The following SRPK2 variants were observed in gnomAD, a reference collection of about 807,000 sequenced individuals.
SRPK2 encodes the protein SFRS protein kinase 2.
In SRPK2, 21 loss-of-function variants were observed where a neutral mutation model predicts 90.8. That is an observed-to-expected ratio of 0.23 (90% CI 0.16 to 0.33). SRPK2 has a LOEUF of 0.33. Ranked by LOEUF, SRPK2 falls within the 10% of genes least tolerant of loss-of-function variation. The pLI, the probability that SRPK2 is intolerant of heterozygous loss-of-function variation, is 1.00. For synonymous variants in SRPK2, 288 were observed against 311.1 expected, an observed-to-expected ratio of 0.93 and a Z score of 0.78; for missense variants, 620 against 869.0, an observed-to-expected ratio of 0.71 and a Z score of 3.60.
At chr7:105,397,519 G>A (rs1400438550) in intron 1 of SRPK2, among the ~76,000 whole-genome samples, 2 of 151,336 alleles carry the variant, frequency 1.3e-5, no homozygotes, top group East Asian at 1.9e-4. Context: ...TTTTAGAGAC[G>A]GGGTTTCACC....
intron 3 of SRPK2, among the ~76,000 whole-genome samples, chr7:105,190,389 C>G (rs1357041473): frequency 6.6e-6 from 1 of 152,214 alleles, no homozygotes; most frequent in Non-Finnish European, 1.5e-5. Context: ...GCTCTCCTAC[C>G]TCCTTGACTG....
In SRPK2 at chr7:105,200,693, T is replaced by A. The variant is rs535946463; in HGVS notation, c.229+2935A>T. 3.3e-5 allele frequency among the ~76,000 whole-genome samples: 5 copies of A among 152,314 alleles called. 1 individual carries two copies. Among genetic ancestry groups the A allele is most frequent in the African/African-American group, 1.2e-4 (5 of 41,568 alleles). The stretch of plus-strand genomic sequence containing the variant: ...AACCTGTGTACCATCTGAAAGGATT[T>A]AATGCAAAAAGACAACATCACTACT... On this transcript the variant is annotated intron_variant, in intron 3 of 15. Coordinates refer to ENST00000393651, the MANE Select transcript of SRPK2 (RefSeq NM_182692.3).
intron 2 of SRPK2, among the ~76,000 whole-genome samples, chr7:105,313,455 A>C (rs1811954526): frequency 1.4e-5 from 2 of 144,196 alleles, no homozygotes; most frequent in Non-Finnish European, 3.0e-5. Flanking sequence ...TCAAAAAAAA[A>C]AAAAAAAAAA....
chr7:105,349,413 T>C (rs1227927254), intron 2 of SRPK2, among the ~76,000 whole-genome samples: 1 of 148,550 alleles, frequency 6.7e-6, no homozygotes, highest in African/African-American at 2.5e-5. Flanking sequence ...TCCCAGCTAC[T>C]CAGGAGGCTG....
intron 2 of SRPK2, among the ~76,000 whole-genome samples, chr7:105,280,036 T>C (rs933935140): frequency 1.8e-4 from 27 of 152,186 alleles, no homozygotes; most frequent in African/African-American, 6.3e-4. Flanking sequence ...AAATAAGTAT[T>C]TTTATAATCT....
chr7:105,239,417 TAG>T (rs1251540698), intron 2 of SRPK2, among the ~76,000 whole-genome samples: 3 of 152,206 alleles, frequency 2.0e-5, no homozygotes, highest in Non-Finnish European at 4.4e-5. Context: ...AATAAAAATA[TAG>T]AGAGAACAAA....
intron 2 of SRPK2, among the ~76,000 whole-genome samples, chr7:105,380,672 T>C (rs551948564): frequency 2.6e-5 from 4 of 151,812 alleles, no homozygotes; most frequent in South Asian, 4.2e-4. Context: ...TATAGGCACA[T>C]GCCACCACGC....
chr7:105,258,353 G>A (rs1803653870), intron 2 of SRPK2, among the ~76,000 whole-genome samples: 1 of 146,810 alleles, frequency 6.8e-6, no homozygotes, highest in South Asian at 2.2e-4. Context: ...GGAGGCAGAG[G>A]TAATAGTGAG....
chr7:105,334,512 C>A (rs566600715), intron 2 of SRPK2, among the ~76,000 whole-genome samples: 1 of 152,048 alleles, frequency 6.6e-6, no homozygotes, highest in Non-Finnish European at 1.5e-5. Context: ...TGAGCCACTG[C>A]GCCTAGCCCT....
chr7:105,205,617 C>T lies in SRPK2; in HGVS notation c.72-1832G>A, dbSNP rs565434221. 2.7e-5 allele frequency among the ~76,000 whole-genome samples: 4 copies of T among 147,710 alleles called. No individual in the cohort carries two copies. In the East Asian group the frequency reaches 6.3e-4, roughly 23 times the overall value. On this transcript the variant is annotated intron_variant, in intron 2 of 15. Transcript: ENST00000393651. ...ACTTCCAACAGGCCTTACAGAAGTA[C>T]AAGAATCTTTCTGGAAGCCATGTAA...
chr7:105,390,041 C>G (rs1345789573), upstream of SRPK2, among the ~76,000 whole-genome samples: 2 of 152,100 alleles, frequency 1.3e-5, no homozygotes, highest in Admixed American at 6.6e-5. Flanking sequence ...CCATATTCAC[C>G]AATTTTTAAC....
At chr7:105,298,267 T>C (rs1463500199) in intron 2 of SRPK2, among the ~76,000 whole-genome samples, 4 of 152,180 alleles carry the variant, frequency 2.6e-5, no homozygotes, top group Admixed American at 2.6e-4. Context: ...TCACTTAACA[T>C]AATGCCTTTA....
At position 105,363,531 on chromosome 7, in the gene SRPK2, C is replaced by G. The variant is rs147982808; in HGVS notation, c.71+25117G>C. Among the ~76,000 whole-genome samples, 738 of 152,208 alleles carry G rather than the reference C, an allele frequency of 4.8e-3. 11 individuals are homozygous for G. The East Asian group carries it at 0.055, about 11-fold the overall frequency. On this transcript the variant is annotated intron_variant, in intron 2 of 15. Transcript: ENST00000393651. ...ATCATTAAAAAGTCAGGAAACAACA[C>G]GTGCTGGAGAGGATGTGGAGAAATA...
At chr7:105,275,773 C>T (rs554595813) in intron 2 of SRPK2, among the ~76,000 whole-genome samples, 2 of 152,214 alleles carry the variant, frequency 1.3e-5, no homozygotes, top group South Asian at 4.1e-4. Context: ...AAAACGGAGC[C>T]GCCCTGAATC....
intron 2 of SRPK2, among the ~76,000 whole-genome samples, chr7:105,360,231 T>C (rs1277403172): frequency 1.4e-5 from 2 of 141,688 alleles, no homozygotes; most frequent in African/African-American, 2.5e-5. Context: ...TCCATTTGTT[T>C]GGTACATCTT....
At chr7:105,340,976 CCAGT>C (rs1332183081) in intron 2 of SRPK2, among the ~76,000 whole-genome samples, 1 of 152,040 alleles carries the variant, frequency 6.6e-6, no homozygotes, top group African/African-American at 2.4e-5. Context: ...CCTCAGTCAG[CCAGT>C]ATTTTCCAAG....
At chr7:105,231,503 A>T (rs748682365) in intron 2 of SRPK2, among the ~76,000 whole-genome samples, 1 of 152,148 alleles carries the variant, frequency 6.6e-6, no homozygotes, top group Admixed American at 6.5e-5. Flanking sequence ...TGCTTTCCAC[A>T]GTGGTTGAAC....
At chr7:105,134,927 C>G (rs1802570790) in intron 11 of SRPK2, among the ~76,000 whole-genome samples, 1 of 152,100 alleles carries the variant, frequency 6.6e-6, no homozygotes, top group Non-Finnish European at 1.5e-5. Context: ...CACCAAAGGC[C>G]AGGTATGAGC....
At chr7:105,385,863 GCA>G (rs1821521812) in intron 2 of SRPK2, among the ~76,000 whole-genome samples, 1 of 152,176 alleles carries the variant, frequency 6.6e-6, no homozygotes, top group East Asian at 1.9e-4. Context: ...AGAGTGACTG[GCA>G]CAGTGTTCAA....
Sources: gnomAD v4.1 joint callset for allele counts (sites outside exome capture counted in the v4.1 genomes callset) on GRCh38, gnomAD v4.1.1 for gene constraint, MANE v1.5 for transcripts, NCBI Gene and HGNC (gene_info 2026-07-23, HGNC 2026-07-21) for gene names.